ACVR1: variants seen among roughly 807,000 people sequenced by gnomAD.
The protein encoded by ACVR1 is activin A receptor type 1.
ACVR1 carries 38 observed loss-of-function variants against 57.1 expected under a neutral mutation model. The ratio of observed to expected loss-of-function variants is 0.67; its 90% CI spans 0.51 to 0.87. The LOEUF (loss-of-function observed/expected upper bound fraction) is 0.87. Ranked by LOEUF, ACVR1 falls within the 40% of genes least tolerant of loss-of-function variation. The pLI, the probability that ACVR1 is intolerant of heterozygous loss-of-function variation, is 0.00. For missense variants in ACVR1, 463 were observed against 638.2 expected (o/e 0.73, Z 2.96); for synonymous variants, 212 against 228.1 (o/e 0.93, Z 0.63).
intron 8 of ACVR1, among the ~76,000 whole-genome samples, chr2:157,764,410 G>A (rs1685786117): frequency 7.0e-6 from 1 of 142,662 alleles, no homozygotes; most frequent in Admixed American, 7.3e-5. Context: ...GTTTCATCAC[G>A]TTCGCCAGGC....
intron 1 of ACVR1, among the ~76,000 whole-genome samples, chr2:157,828,610 ACT>A (rs1213222387): frequency 6.6e-6 from 1 of 151,980 alleles, no homozygotes. Context: ...GGATAGCAAA[ACT>A]CTGTTTCCAA....
rs536677162 is a variant in ACVR1 at position 157,740,283 on chromosome 2, A to G, written c.1265-1713T>C. On this transcript the variant is annotated intron_variant, in intron 9 of 10. Transcript: ENST00000434821. ...TCAGTGGATTAAAACCTTTCCTGGC[A>G]AATCATAAACATCATATTGGGTATA... Among the ~76,000 whole-genome samples, 8 of 152,326 alleles carry G rather than the reference A, an allele frequency of 5.3e-5. No homozygotes were observed. The South Asian group carries it at 1.7e-3, about 32-fold the overall frequency.
Position 157,738,578 on chromosome 2 carries a change from C to T in ACVR1, c.1265-8G>A. On this transcript the variant is annotated splice_polypyrimidine_tract_variant and splice_region_variant and intron_variant, in intron 9 of 10. Coordinates refer to ENST00000434821, the MANE Select transcript of ACVR1 (RefSeq NM_001111067.4). Reference sequence around the variant, plus strand: ...TGTAATCCTCCACTATACCTGCACACAAGGACAAGAATTGTGTTCGGTTAG... The same window carrying T: ...TGTAATCCTCCACTATACCTGCACATAAGGACAAGAATTGTGTTCGGTTAG... 1.2e-6 allele frequency: 2 copies of T among 1,613,992 alleles called. No individual in the cohort carries two copies. The highest frequency in any genetic ancestry group is 2.2e-5 in the East Asian group (1 of 44,868).
chr2:157,766,037 G>A lies in ACVR1; in HGVS notation c.950C>T (p.Ala317Val). The A allele has an allele frequency of 6.2e-7, 1 of 1,614,114 alleles. No homozygotes were observed. The highest frequency in any genetic ancestry group is 1.3e-5 in the African/African-American group (1 of 75,042). The change falls in exon 8 of 11, where the codon GCA becomes GTA. Residue 317 changes from alanine to valine, a missense_variant. Coordinates refer to ENST00000434821, the MANE Select transcript of ACVR1 (RefSeq NM_001111067.4). ...CCCAAATATCTCTATGTGCAAATGT[G>A]CAAGACCACTAGCTATGGACAGCAC... The part of the protein sequence containing the change: ...RIVLSIASGL[A>V]HLHIEIFGTQ...
intron 8 of ACVR1, among the ~76,000 whole-genome samples, chr2:157,761,546 T>G (rs1414045457): frequency 1.3e-5 from 2 of 152,246 alleles, no homozygotes; most frequent in African/African-American, 2.4e-5. Context: ...AAGGGCAGAT[T>G]GCTATAAGCA....
chr2:157,810,401 G>A (rs1417683848), intron 2 of ACVR1, among the ~76,000 whole-genome samples: 2 of 152,164 alleles, frequency 1.3e-5, no homozygotes, highest in African/African-American at 4.8e-5. Context: ...AGTGTGCCAG[G>A]CCCCATTCCT....
chr2:157,824,183 T>C (rs1688255468), intron 1 of ACVR1, among the ~76,000 whole-genome samples: 1 of 152,214 alleles, frequency 6.6e-6, no homozygotes, highest in Non-Finnish European at 1.5e-5. Flanking sequence ...AATAGCAATT[T>C]AGGGCCAGGC....
chr2:157,848,511 G>T (rs1165677271), intron 1 of ACVR1, among the ~76,000 whole-genome samples: 1 of 152,172 alleles, frequency 6.6e-6, no homozygotes, highest in Non-Finnish European at 1.5e-5. Flanking sequence ...CCCAGCTGAG[G>T]CCCCAGACAT....
intron 1 of ACVR1, among the ~76,000 whole-genome samples, chr2:157,867,653 C>A (rs187483674): frequency 6.7e-6 from 1 of 148,304 alleles, no homozygotes; most frequent in African/African-American, 2.5e-5. Flanking sequence ...TGAAAATGTC[C>A]CCCATTTTTA....
At chr2:157,798,356 G>A (rs942265624) in intron 3 of ACVR1, among the ~76,000 whole-genome samples, 1 of 151,706 alleles carries the variant, frequency 6.6e-6, no homozygotes, top group Non-Finnish European at 1.5e-5. Flanking sequence ...GAAGGTAAGA[G>A]ACCACTTATG....
rs1336347135 is a variant in ACVR1 at position 157,763,630 on chromosome 2, G to C, written c.1066+2291C>G. ...CAGCTGTTTTGGAACGCTGAGGCAG[G>C]AAGATTGCTTAAGCCCAGTAGATCG... On this transcript the variant is annotated intron_variant, in intron 8 of 10. Coordinates refer to ENST00000434821, the MANE Select transcript of ACVR1 (RefSeq NM_001111067.4). 2.0e-5 allele frequency among the ~76,000 whole-genome samples: 3 copies of C among 152,128 alleles called. No homozygotes were observed. In the East Asian group the frequency reaches 5.8e-4, roughly 29 times the overall value.
chr2:157,791,282 C>T (rs1302853564), intron 3 of ACVR1, among the ~76,000 whole-genome samples: 1 of 152,186 alleles, frequency 6.6e-6, no homozygotes, highest in Non-Finnish European at 1.5e-5. Context: ...ACTAAAAGAA[C>T]ATAAGTTTGT....
intron 1 of ACVR1, among the ~76,000 whole-genome samples, chr2:157,867,289 T>C (rs1423192641): frequency 2.0e-5 from 3 of 152,216 alleles, no homozygotes; most frequent in Non-Finnish European, 2.9e-5. Context: ...CCATCTATTC[T>C]CATTTCCTCC....
intron 2 of ACVR1, among the ~76,000 whole-genome samples, chr2:157,808,751 T>C (rs1312668700): frequency 1.3e-5 from 2 of 152,110 alleles, no homozygotes; most frequent in African/African-American, 4.8e-5. Context: ...ATTGACGCTA[T>C]TTGGAAAGCC....
intron 3 of ACVR1, among the ~76,000 whole-genome samples, chr2:157,783,233 C>G (rs991902295): frequency 6.6e-6 from 1 of 152,198 alleles, no homozygotes; most frequent in Admixed American, 6.5e-5. Flanking sequence ...TCAAAATAAA[C>G]TGTTTTTAAA....
chr2:157,865,879 T>C (rs1008544515), intron 1 of ACVR1, among the ~76,000 whole-genome samples: 1 of 149,386 alleles, frequency 6.7e-6, no homozygotes, highest in African/African-American at 2.5e-5. Context: ...CTGATTGATT[T>C]CTGCAGGCGT....
chr2:157,860,169 G>C (rs559931221), intron 1 of ACVR1: 48 of 152,244 alleles, frequency 3.2e-4, no homozygotes, highest in African/African-American at 9.9e-4. Flanking sequence ...AGGAAAGAAG[G>C]CTGAGCCCAC....
At chr2:157,753,851 T>C (rs1019107987) in intron 9 of ACVR1, among the ~76,000 whole-genome samples, 3 of 152,190 alleles carry the variant, frequency 2.0e-5, no homozygotes, top group Non-Finnish European at 4.4e-5. Context: ...ATAGACCATA[T>C]GATAGGCCAC....
chr2:157,810,905 G>A (rs1415505659), intron 2 of ACVR1, among the ~76,000 whole-genome samples: 2 of 152,114 alleles, frequency 1.3e-5, no homozygotes, highest in Non-Finnish European at 2.9e-5. Context: ...AAGGTTCTAC[G>A]TCGTTTTAGT....
Sources: allele counts gnomAD v4.1 joint callset (sites outside exome capture counted in the v4.1 genomes callset), GRCh38; gene constraint gnomAD v4.1.1; transcripts MANE v1.5; gene names NCBI Gene and HGNC (gene_info 2026-07-23, HGNC 2026-07-21).